Variants in PLCXD1 observed in about 807,000 individuals in gnomAD.
The protein encoded by PLCXD1 is phosphatidylinositol specific phospholipase C X domain containing 1.
PLCXD1 carries 45 observed loss-of-function variants against 37.8 expected under a neutral mutation model. The ratio of observed to expected loss-of-function variants is 1.19; its 90% CI spans 0.94 to 1.53. The LOEUF (loss-of-function observed/expected upper bound fraction) is 1.53. Among genes scored for constraint, PLCXD1 ranks in the 40% most tolerant of loss-of-function variants. The pLI, the probability that PLCXD1 is intolerant of heterozygous loss-of-function variation, is 0.00. For missense variants in PLCXD1, 539 were observed against 454.7 expected (o/e 1.19, Z -1.69); for synonymous variants, 246 against 206.9 (o/e 1.19, Z -1.62).
Position 293,125 on chromosome X carries a change from C to T in PLCXD1, c.640C>T (p.Leu214=). ...DESSLRRHHE[L]WPGVPYWWGN... ...GAGCTCCTTGCGCCGGCACCACGAGCTGTGGCCAGGAGTCCCCTACTGGTG... is the reference window on the plus strand; with the variant it reads ...GAGCTCCTTGCGCCGGCACCACGAGTTGTGGCCAGGAGTCCCCTACTGGTG... The change falls in exon 6 of 7, where the codon CTG becomes TTG. Residue 214 remains leucine (L), a synonymous_variant. Transcript: ENST00000381657. 6.2e-7 allele frequency: 1 copy of T among 1,612,366 alleles called. No individual in the cohort carries two copies. The highest frequency in any genetic ancestry group is 8.5e-7 in the Non-Finnish European group (1 of 1,179,562).
rs187249462 is a variant in PLCXD1 at position 287,327 on chromosome X, T to G, written c.128-1406T>G. ...ACATAAGTACATTTATATATTATAT[T>G]TATAAACATAATATGTGGATATATA... On this transcript the variant is annotated intron_variant, in intron 2 of 6. Coordinates refer to ENST00000381657, the MANE Select transcript of PLCXD1 (RefSeq NM_018390.4). 1.4e-4 allele frequency among the ~76,000 whole-genome samples: 19 copies of G among 139,896 alleles called. No homozygotes were observed. The Admixed American group carries it at 1.4e-3, about 10-fold the overall frequency. The allele number at this position is 139,896 out of a possible 152,430, so 91.8% of individuals were successfully genotyped here.
In PLCXD1 at chrX:291,667, A is replaced by G. The variant is rs761484690; in HGVS notation, c.549+13A>G. On this transcript the variant is annotated intron_variant, in intron 5 of 6. Coordinates refer to ENST00000381657, the MANE Select transcript of PLCXD1 (RefSeq NM_018390.4). ...GTGTCCTCGTGGGGTGAGGAGGGGA[A>G]GGATATCCGCACGTCTCTCCCGGGG... 4.3e-6 allele frequency: 7 copies of G among 1,611,644 alleles called. No homozygotes were observed. In the Admixed American group the frequency reaches 1.2e-4, roughly 27 times the overall value.
chrX:299,440 GA>G lies in PLCXD1; in HGVS notation c.*106del. On this transcript the variant is annotated 3_prime_UTR_variant, in exon 7 of 7. Transcript: ENST00000381657. ...AAATGTTGGTGATCATAGGACCGAT[GA>G]TAATACGTTTTCATTTTCTTTAAAA... 1 of 845,348 alleles carries G rather than the reference GA, an allele frequency of 1.2e-6. No individual in the cohort carries two copies. Among genetic ancestry groups the G allele is most frequent in the Non-Finnish European group, 2.0e-6 (1 of 499,404 alleles). 52.4% of individuals were successfully genotyped at this position (845,348 alleles called of 1,614,324 possible).
Position 293,139 on chromosome X carries a change from C to T in PLCXD1, c.654C>T (p.Val218=), listed in dbSNP as rs199781516. The T allele has an allele frequency of 1.2e-5, 20 of 1,612,222 alleles. No homozygotes were observed. Among genetic ancestry groups the T allele is most frequent in the South Asian group, 2.2e-5 (2 of 91,014 alleles). The part of the protein sequence containing the change: ...LRRHHELWPG[V]PYWWGNRVKT... ...GGCACCACGAGCTGTGGCCAGGAGT[C>T]CCCTACTGGTGGGGAAACAGGGTGA... The change falls in exon 6 of 7, where the codon GTC becomes GTT. Residue 218 remains valine, a synonymous_variant. Transcript: ENST00000381657.
In PLCXD1 at chrX:284,175, G is replaced by C. The variant is rs768365891; in HGVS notation, c.-13G>C. On this transcript the variant is annotated 5_prime_UTR_variant, in exon 2 of 7. Coordinates refer to ENST00000381657, the MANE Select transcript of PLCXD1 (RefSeq NM_018390.4). ...CTCTTCTCCTTCCTCAGGTTGCCCA[G>C]GGCTCACCTCTGATGGGTGGGCAGG... 3 of 1,612,758 alleles carry C rather than the reference G, an allele frequency of 1.9e-6. No individual in the cohort carries two copies. Among genetic ancestry groups the C allele is most frequent in the Admixed American group, 1.7e-5 (1 of 60,008 alleles).
At position 299,789 on chromosome X, in the gene PLCXD1, C is replaced by G. The variant is rs759533691; in HGVS notation, c.*454C>G. On this transcript the variant is annotated 3_prime_UTR_variant, in exon 7 of 7. Transcript: ENST00000381657. ...AAAAAAACAGCCGAGTGTGCAGTGA[C>G]TCACGCCTGTCATCCCAGCACTTTG... 110 of 170,264 alleles carry G rather than the reference C, an allele frequency of 6.5e-4. No individual in the cohort carries two copies. Among genetic ancestry groups the G allele is most frequent in the African/African-American group, 2.7e-3 (101 of 37,232 alleles). 10.5% of individuals were successfully genotyped at this position (170,264 alleles called of 1,614,324 possible).
rs1468515692 is a variant in PLCXD1 at position 285,357 on chromosome X, T to C, written c.127+1043T>C. On this transcript the variant is annotated intron_variant, in intron 2 of 6. Transcript: ENST00000381657. ...ATGCACATGCACACGTGTACACATG[T>C]ACACACATGCACACATGTATATATA... is the stretch of plus-strand genomic sequence containing the variant. 1.5e-4 allele frequency among the ~76,000 whole-genome samples: 23 copies of C among 149,812 alleles called. 1 individual carries two copies. Among genetic ancestry groups the C allele is most frequent in the African/African-American group, 5.8e-4 (23 of 39,694 alleles).
At chrX:291,473 A>C (rs2069631417) in intron 4 of PLCXD1, 26 bp from the exon 5 acceptor site, 7 of 1,610,838 alleles carry the variant, frequency 4.3e-6, no homozygotes, top group African/African-American at 1.3e-5. Context: ...GTCGTGCAGG[A>C]CTCAGCCCAG....
chrX:292,892 C>T (rs371340379), intron 5 of PLCXD1, 143 bp from the exon 6 acceptor site: 209 of 567,006 alleles, frequency 3.7e-4, no homozygotes, highest in African/African-American at 3.1e-3. Flanking sequence ...GGATTACAGG[C>T]GTCAGCCACT....
At chrX:292,438 G>A (rs1454318292) in intron 5 of PLCXD1, among the ~76,000 whole-genome samples, 1 of 151,900 alleles carries the variant, frequency 6.6e-6, no homozygotes, top group East Asian at 1.9e-4. Context: ...CAGCCTGGGA[G>A]ACAGAGCGAG....
intron 1 of PLCXD1, among the ~76,000 whole-genome samples, chrX:282,007 C>G (rs985038317): frequency 1.1e-4 from 16 of 152,050 alleles, no homozygotes; most frequent in Non-Finnish European, 2.2e-4. Flanking sequence ...CTCAGCCTCC[C>G]AAAGTGATGG....
At chrX:287,529 ACTATATAT>A (rs1434825448) in intron 2 of PLCXD1, among the ~76,000 whole-genome samples, 1 of 107,614 alleles carries the variant, frequency 9.3e-6, no homozygotes, top group African/African-American at 5.1e-5. Flanking sequence ...AGATATAGAT[ACTATATAT>A]GTTTATATAT....
chrX:283,177 T>TA (rs1398064906), intron 1 of PLCXD1: 8 of 149,140 alleles, frequency 5.4e-5, no homozygotes, highest in Admixed American at 2.0e-4. Flanking sequence ...CTCACGCCTG[T>TA]AATCCCAGCA....
rs141256486 is a variant in PLCXD1 at position 291,617 on chromosome X, T to C, written c.512T>C (p.Ile171Thr). The change falls in exon 5 of 7, where the codon ATC (isoleucine) becomes ACC (threonine). Residue 171 changes from isoleucine (I) to threonine (T), a missense_variant. Ile to Thr is a moderately conservative substitution (Grantham distance 89). Transcript: ENST00000381657. ...EDLHEYLVAC[I>T]KNIFGDMLCP... ...CTGCACGAGTACCTGGTCGCCTGTA[T>C]CAAGAACATCTTCGGGGACATGCTG... 1.5e-3 allele frequency: 2,395 copies of C among 1,612,892 alleles called. 13 individuals are homozygous for C. Among genetic ancestry groups the C allele is most frequent in the Non-Finnish European group, 1.6e-3 (1,867 of 1,179,852 alleles).
upstream of PLCXD1, among the ~76,000 whole-genome samples, chrX:278,822 C>T (rs1168223013): frequency 1.3e-5 from 2 of 151,874 alleles, no homozygotes; most frequent in African/African-American, 2.4e-5. Context: ...CGACCTGTGC[C>T]CTAGGTGGTC....
intron 6 of PLCXD1, among the ~76,000 whole-genome samples, chrX:293,783 G>T (rs191907248): frequency 6.6e-6 from 1 of 152,160 alleles, no homozygotes; most frequent in Non-Finnish European, 1.5e-5. Context: ...AAAAGGACAC[G>T]TAGTGTGTGA....
At chrX:285,491 GAC>G (rs931409016) in intron 2 of PLCXD1, among the ~76,000 whole-genome samples, 10 of 152,130 alleles carry the variant, frequency 6.6e-5, no homozygotes, top group Admixed American at 1.3e-4. Flanking sequence ...TGCACGCAGA[GAC>G]ACGTCTATGC....
chrX:284,237 G>T lies in PLCXD1; in HGVS notation c.50G>T (p.Arg17Ile), dbSNP rs1569564401. 6.2e-7 allele frequency: 1 copy of T among 1,613,454 alleles called. No homozygotes were observed. Among genetic ancestry groups the T allele is most frequent in the Non-Finnish European group, 8.5e-7 (1 of 1,179,616 alleles). The change falls in exon 2 of 7, where the codon AGA becomes ATA. Residue 17 changes from arginine (R) to isoleucine (I), a missense_variant. Transcript: ENST00000381657. ...AACAGCTTCTCGAGGCTGCACTGCA[G>T]AAATGCCAACGAGGACTGGATGTCG... The part of the protein sequence containing the change: ...ASNSFSRLHC[R>I]NANEDWMSAL...
At position 289,866 on chromosome X, in the gene PLCXD1, C is replaced by G. The variant is rs183759498; in HGVS notation, c.265-782C>G. Among the ~76,000 whole-genome samples, 496 of 152,198 alleles carry G rather than the reference C, an allele frequency of 3.3e-3. 3 individuals carry two copies. Among genetic ancestry groups the G allele is most frequent in the African/African-American group, 0.011 (460 of 41,546 alleles). ...ACAGACAAGGACTCATTTCTCGTGT[C>G]TTTAGGACCTGAGGCGGGTCTGCAG... On this transcript the variant is annotated intron_variant, in intron 3 of 6. Coordinates refer to ENST00000381657, the MANE Select transcript of PLCXD1 (RefSeq NM_018390.4).
Sources: gnomAD v4.1 joint callset for allele counts (sites outside exome capture counted in the v4.1 genomes callset) on GRCh38, gnomAD v4.1.1 for gene constraint, MANE v1.5 for transcripts, NCBI Gene and HGNC (gene_info 2026-07-23, HGNC 2026-07-21) for gene names.